Variants in TAP1 observed in about 807,000 individuals in gnomAD.
TAP1 encodes transporter 1, ATP binding cassette subfamily B member, also known as antigen peptide transporter 1.
A neutral mutation model predicts 79.3 loss-of-function variants in TAP1; 56 were observed. The ratio of observed to expected loss-of-function variants is 0.71; its 90% confidence interval spans 0.57 to 0.88. TAP1 has a LOEUF of 0.88. TAP1 is among the 40% of genes least tolerant of loss of function. TAP1 has a pLI of 0.00. For synonymous variants in TAP1, 355 were observed against 401.4 expected (o/e 0.88, Z 1.38); for missense variants, 737 against 936.3 (o/e 0.79, Z 2.78).
rs761913909 is a variant in TAP1, at chr6:32,853,112, C to A, written c.525G>T (p.Arg175=). The stretch of plus-strand genomic sequence containing the variant: ...TCTCCGAGCCCAGGCAGCCTAGAAG[C>A]CGACGCACAGGGTTTCCAGAGCCGC... ...GQGGSGNPVR[R]LLGCLGSETR... Residue 175 remains arginine, a synonymous_variant, in exon 1 of 11, where the codon CGG becomes CGT. Coordinates refer to ENST00000354258, the MANE Select transcript of TAP1 (RefSeq NM_000593.6). The surrounding 1 kb of genome is among the most constrained non-coding windows in gnomAD (Gnocchi z 8.3). 6.2e-7 allele frequency: 1 copy of A among 1,612,818 alleles called. No individual in the cohort carries two copies. Among genetic ancestry groups the A allele is most frequent in the East Asian group, 2.2e-5 (1 of 44,886 alleles).
rs985518948 is a variant in TAP1, at chr6:32,851,615, C to T, written c.845-466G>A. On this transcript the variant is annotated intron_variant, in intron 3 of 10. Coordinates refer to ENST00000354258, the MANE Select transcript of TAP1 (RefSeq NM_000593.6). The surrounding 1 kb of genome is among the most constrained non-coding windows in gnomAD (Gnocchi z 4.8). ...CTTCTAGTGCTGCTAGAAAGCATGC[C>T]GAAGTCTGTGGAGCACTCAAGAGAC... 6.6e-6 allele frequency among the ~76,000 whole-genome samples: 1 copy of T among 152,094 alleles called. No individual in the cohort carries two copies. Among genetic ancestry groups the T allele is most frequent in the Non-Finnish European group, 1.5e-5 (1 of 68,014 alleles).
chr6:32,852,026 A>C lies in TAP1; in HGVS notation c.844+83T>G. The C allele has an allele frequency of 1.3e-6, 2 of 1,578,838 alleles. No homozygotes were observed. Among genetic ancestry groups the C allele is most frequent in the African/African-American group, 1.3e-5 (1 of 74,230 alleles). On this transcript the variant is annotated intron_variant, in intron 3 of 10. Transcript: ENST00000354258. This position sits in a 1 kb window ranked among gnomAD's most constrained non-coding sequence, Gnocchi z 4.8. ...GTGTGTATGTGTGTGTGAGAGAGAG[A>C]GAGCGGGGAGGGGGGAGATCAAAGC...
chr6:32,851,039 T>G lies in TAP1; in HGVS notation c.955A>C (p.Ile319Leu), dbSNP rs748668600. Residue 319 changes from isoleucine to leucine, a missense_variant, in exon 4 of 11, where the codon ATC (isoleucine) becomes CTC (leucine). Transcript: ENST00000354258. The surrounding 1 kb of genome is among the most constrained non-coding windows in gnomAD (Gnocchi z 4.8). ...AGGGACACTGATCCCCAGAGCATGA[T>G]CCCCAAGAGACATAGGCCTCGCACC... ...YLVRGLCLLG[I>L]MLWGSVSLTM... is the part of the protein sequence containing the mutation. 5.0e-6 allele frequency: 8 copies of G among 1,612,728 alleles called. No individual in the cohort carries two copies. Among genetic ancestry groups the G allele is most frequent in the Non-Finnish European group, 6.8e-6 (8 of 1,179,994 alleles).
Sources: gnomAD v4.1 joint callset for allele counts (sites outside exome capture counted in the v4.1 genomes callset) on GRCh38, gnomAD v4.1.1 for gene constraint, Gnocchi (gnomAD v3.1) non-coding constraint, MANE v1.5 for transcripts, NCBI Gene and HGNC (gene_info 2026-07-23, HGNC 2026-07-21) for gene names.